The following KANK1 variants were observed in gnomAD, a reference collection of about 807,000 sequenced individuals.
KANK1 encodes the protein KN motif and ankyrin repeat domain-containing protein 1.
In KANK1, 109 loss-of-function variants were observed where a neutral mutation model predicts 106.2. The ratio of observed to expected loss-of-function variants is 1.03; its 90% CI spans 0.88 to 1.20. The LOEUF (loss-of-function observed/expected upper bound fraction) is 1.20, where lower values mean the gene tolerates loss of function less well. KANK1 is among the 50% of genes most tolerant of loss of function. KANK1 has a pLI of 0.00. For synonymous variants in KANK1, 873 were observed against 652.2 expected, an observed-to-expected ratio of 1.34 and a Z score of -5.16; for missense variants, 2,399 against 1,710.7, an observed-to-expected ratio of 1.40 and a Z score of -7.10.
In KANK1 at chr9:610,612, T is replaced by C. The variant is rs143745189; in HGVS notation, c.-83-66278T>C. On this transcript the variant is annotated intron_variant, in intron 1 of 11. Transcript: ENST00000382297. ...GATGTCCATGCCCCCTTGACTCTGA[T>C]CAAGACATGGCTACAACCTGCAGTT... Among the ~76,000 whole-genome samples the C allele has an allele frequency of 2.5e-3, 386 of 152,314 alleles. 4 individuals are homozygous for C. The highest frequency in any genetic ancestry group is 8.9e-3 in the African/African-American group (368 of 41,558).
In KANK1 at chr9:731,229, G is replaced by A. The variant is rs138899296; in HGVS notation, c.2968G>A (p.Ala990Thr). Residue 990 changes from alanine (A) to threonine (T), a missense_variant, in exon 5 of 12, where the codon GCA becomes ACA. By Grantham distance (58) the Ala-to-Thr change is moderately conservative. Transcript: ENST00000382297. Reference protein sequence around the residue: ...KKDGNKDSNGAKKNLQFVGIN... With the variant: ...KKDGNKDSNGTKKNLQFVGIN... ...AGATGGTAACAAAGATTCAAATGGCGCAAAAAAGAATCTTCAGTTTGTTGG... is the reference window on the plus strand; with the variant it reads ...AGATGGTAACAAAGATTCAAATGGCACAAAAAAGAATCTTCAGTTTGTTGG... 2.2e-5 allele frequency: 35 copies of A among 1,609,618 alleles called. No homozygotes were observed. The highest frequency in any genetic ancestry group is 3.3e-5 in the Admixed American group (2 of 59,914).
intron 1 of KANK1, among the ~76,000 whole-genome samples, chr9:634,249 TG>T (rs1836514744): frequency 6.6e-6 from 1 of 152,116 alleles, no homozygotes; most frequent in African/African-American, 2.4e-5. Flanking sequence ...ACTTAGGGAA[TG>T]GGTGCTGCTG....
At position 732,629 on chromosome 9, in the gene KANK1, T is replaced by C. The variant is rs187592077; in HGVS notation, c.3245+12T>C. The C allele has an allele frequency of 0.013, 20,997 of 1,609,168 alleles. 191 individuals are homozygous for C. The highest frequency in any genetic ancestry group is 0.016 in the Non-Finnish European group (18,985 of 1,176,158). On this transcript the variant is annotated intron_variant, in intron 6 of 11. Transcript: ENST00000382297. ...GAAATCAGAGAGAGGTGTGGTACAT[T>C]CCCCTTCCCTCCCTTGCCCCTCCCA...
chr9:511,669 A>G (rs2059031401), intron 1 of KANK1, among the ~76,000 whole-genome samples: 1 of 152,128 alleles, frequency 6.6e-6, no homozygotes, highest in Admixed American at 6.5e-5. Flanking sequence ...TGAATTTCTG[A>G]ATTATAGAAT....
intron 1 of KANK1, among the ~76,000 whole-genome samples, chr9:622,333 C>A (rs1833341746): frequency 6.6e-6 from 1 of 152,132 alleles, no homozygotes; most frequent in African/African-American, 2.4e-5. Context: ...TGAAAGACTG[C>A]TACAGGATAA....
chr9:650,226 G>A (rs1294285746), intron 1 of KANK1, among the ~76,000 whole-genome samples: 1 of 152,142 alleles, frequency 6.6e-6, no homozygotes, highest in Non-Finnish European at 1.5e-5. Flanking sequence ...TTCTCTGTTG[G>A]CAGCTGTATT....
At chr9:589,979 G>C (rs1041241129) in intron 1 of KANK1, among the ~76,000 whole-genome samples, 2 of 152,160 alleles carry the variant, frequency 1.3e-5, no homozygotes, top group African/African-American at 4.8e-5. Flanking sequence ...GTAACTATCT[G>C]AGGATGTTTC....
At chr9:691,619 T>C (rs55905429) in intron 2 of KANK1, among the ~76,000 whole-genome samples, 8 of 37,766 alleles carry the variant, frequency 2.1e-4, no homozygotes, top group South Asian at 3.4e-3. Context: ...GAATTTTTTT[T>C]TTTTTTTTTT....
At chr9:703,563 G>C (rs1282178179) in intron 2 of KANK1, among the ~76,000 whole-genome samples, 1 of 152,086 alleles carries the variant, frequency 6.6e-6, no homozygotes, top group African/African-American at 2.4e-5. Flanking sequence ...TCCAATTCCA[G>C]AATATTTAGT....
intron 1 of KANK1, among the ~76,000 whole-genome samples, chr9:665,549 C>T (rs185092925): frequency 2.2e-3 from 334 of 152,252 alleles, no homozygotes; most frequent in Non-Finnish European, 4.0e-3. Context: ...ATGCCAGTAC[C>T]GTGCTGATCT....
chr9:552,691 C>G (rs1445213020), intron 1 of KANK1, among the ~76,000 whole-genome samples: 7 of 152,200 alleles, frequency 4.6e-5, no homozygotes, highest in African/African-American at 1.7e-4. Context: ...CAAGTCTGTA[C>G]TATGCCTTGG....
In KANK1 at chr9:711,131, C is replaced by T. The variant is rs764706787; in HGVS notation, c.365C>T (p.Pro122Leu). ...QVTSTPISKP[P>L]PPLETSLPFL... ...ACATCAACTCCAATCTCAAAGCCAC[C>T]TCCCCCTCTGGAGACCTCACTCCCT... Residue 122 changes from proline (P) to leucine (L), a missense_variant, in exon 3 of 12, where the codon CCT (proline) becomes CTT (leucine). Pro to Leu is a moderately conservative substitution (Grantham distance 98). Transcript: ENST00000382297. 2.5e-6 allele frequency: 4 copies of T among 1,614,168 alleles called. No individual in the cohort carries two copies. The highest frequency in any genetic ancestry group is 1.1e-5 in the South Asian group (1 of 91,080).
intron 1 of KANK1, among the ~76,000 whole-genome samples, chr9:552,543 G>T (rs550998886): frequency 6.6e-6 from 1 of 152,232 alleles, no homozygotes. Flanking sequence ...TTAATATGAC[G>T]TTATTAGCTG....
chr9:601,156 A>G (rs1049790585), intron 1 of KANK1, among the ~76,000 whole-genome samples: 1 of 151,842 alleles, frequency 6.6e-6, no homozygotes, highest in Non-Finnish European at 1.5e-5. Context: ...AATGTTGCAA[A>G]GGTAGTACGG....
intron 1 of KANK1, among the ~76,000 whole-genome samples, chr9:537,734 G>A (rs2060379083): frequency 6.6e-6 from 1 of 152,148 alleles, no homozygotes; most frequent in African/African-American, 2.4e-5. Flanking sequence ...AGACATTTTT[G>A]GTTGCCATGA....
chr9:515,124 A>G (rs1260597968), intron 1 of KANK1, among the ~76,000 whole-genome samples: 3 of 151,658 alleles, frequency 2.0e-5, no homozygotes, highest in South Asian at 2.1e-4. Flanking sequence ...CGGGTGGATC[A>G]TGAGGTCAGG....
At chr9:638,333 T>G (rs913162818) in intron 1 of KANK1, among the ~76,000 whole-genome samples, 5 of 152,194 alleles carry the variant, frequency 3.3e-5, no homozygotes, top group Non-Finnish European at 4.4e-5. Context: ...CCTGCTGAGC[T>G]GGAGTGTCAC....
intron 1 of KANK1, among the ~76,000 whole-genome samples, chr9:517,757 G>A: frequency 1.3e-5 from 1 of 74,172 alleles, no homozygotes; most frequent in East Asian, 4.1e-4. Context: ...TTTTTTTTTT[G>A]AGACAGAGTC....
In KANK1 at chr9:596,848, C is replaced by G. The variant is rs894043002; in HGVS notation, c.-83-80042C>G. ...CTGCCACCTCTCTCTAGTTCCAAAACATTTTTGTCACTACAAAAGAAAACC... is the reference window on the plus strand; with the variant it reads ...CTGCCACCTCTCTCTAGTTCCAAAAGATTTTTGTCACTACAAAAGAAAACC... On this transcript the variant is annotated intron_variant, in intron 1 of 11. Coordinates refer to ENST00000382297, the MANE Select transcript of KANK1 (RefSeq NM_015158.5). Among the ~76,000 whole-genome samples the G allele has an allele frequency of 1.3e-4, 19 of 151,786 alleles. 1 individual carries two copies. The highest frequency in any genetic ancestry group is 4.6e-4 in the African/African-American group (19 of 41,074).
Sources: allele counts gnomAD v4.1 joint callset (sites outside exome capture counted in the v4.1 genomes callset), GRCh38; gene constraint gnomAD v4.1.1; transcripts MANE v1.5; gene names NCBI Gene and HGNC (gene_info 2026-07-23, HGNC 2026-07-21).